Variants in PLA2G4A observed in about 807,000 individuals in gnomAD.
PLA2G4A encodes cytosolic phospholipase A2.
Under a neutral mutation model 81.9 loss-of-function variants are expected in PLA2G4A, and 40 were observed. That is an observed-to-expected ratio of 0.49 (90% CI 0.38 to 0.64). PLA2G4A has a LOEUF of 0.64. Among genes scored for constraint, PLA2G4A ranks in the 30% least tolerant of loss-of-function variants. The pLI is 0.00. For missense variants in PLA2G4A, 715 were observed against 905.1 expected, an observed-to-expected ratio of 0.79 and a Z score of 2.69; for synonymous variants, 302 against 296.9, an observed-to-expected ratio of 1.02 and a Z score of -0.18.
At chr1:186,879,749 T>G (rs1177419008) in intron 3 of PLA2G4A, among the ~76,000 whole-genome samples, 3 of 151,790 alleles carry the variant, frequency 2.0e-5, no homozygotes, top group Admixed American at 2.0e-4. Flanking sequence ...TATACATACT[T>G]TATGTATTCA....
At chr1:186,953,735 C>A (rs1054175668) in intron 13 of PLA2G4A, among the ~76,000 whole-genome samples, 1 of 152,036 alleles carries the variant, frequency 6.6e-6, no homozygotes, top group Non-Finnish European at 1.5e-5. Flanking sequence ...GATTAATAAG[C>A]AATAAGTATC....
chr1:186,920,776 T>C (rs1655322702), intron 7 of PLA2G4A, among the ~76,000 whole-genome samples: 1 of 152,218 alleles, frequency 6.6e-6, no homozygotes, highest in African/African-American at 2.4e-5. Context: ...TAAGTCGGCG[T>C]TTCGCCTAGC....
rs558546216 is a variant in PLA2G4A, at chr1:186,966,015, A to T, written c.1764+422A>T. On this transcript the variant is annotated intron_variant, in intron 15 of 17. Transcript: ENST00000367466. ...GTGTGTAGTATTATGAAAACTGAAG[A>T]TATATTAACAAGGGGGTTTTTTGGT... Among the ~76,000 whole-genome samples the T allele has an allele frequency of 7.2e-5, 11 of 151,978 alleles. No individual in the cohort carries two copies. The East Asian group carries it at 2.1e-3, about 30-fold the overall frequency.
chr1:186,899,174 C>T (rs1654451070), intron 5 of PLA2G4A, among the ~76,000 whole-genome samples: 1 of 152,026 alleles, frequency 6.6e-6, no homozygotes, highest in Non-Finnish European at 1.5e-5. Flanking sequence ...AAAGGCAGTT[C>T]CAAAAATTTA....
chr1:186,878,813 A>G (rs1393176651), intron 3 of PLA2G4A, among the ~76,000 whole-genome samples: 3 of 151,888 alleles, frequency 2.0e-5, no homozygotes, highest in Non-Finnish European at 4.4e-5. Flanking sequence ...AATAATGTCA[A>G]TTGATCAAAA....
At chr1:186,900,293 C>G (rs1164761278) in intron 5 of PLA2G4A, among the ~76,000 whole-genome samples, 1 of 152,116 alleles carries the variant, frequency 6.6e-6, no homozygotes, top group Non-Finnish European at 1.5e-5. Context: ...TAGTACCTAC[C>G]TCTTAGGTTG....
At chr1:186,830,936 A>AGCTT (rs148614012) in intron 1 of PLA2G4A, among the ~76,000 whole-genome samples, 2,147 of 126,886 alleles carry the variant, frequency 0.017, 34 homozygotes, top group Middle Eastern at 0.028. Flanking sequence ...CAGATTGTAT[A>AGCTT]GCTTGCTTGC....
chr1:186,938,805 C>G (rs1323507994), intron 8 of PLA2G4A, among the ~76,000 whole-genome samples: 1 of 152,154 alleles, frequency 6.6e-6, no homozygotes, highest in Non-Finnish European at 1.5e-5. Flanking sequence ...CCTCTGACAC[C>G]TCTTTTTTTC....
intron 10 of PLA2G4A, 43 bp downstream of exon 10, chr1:186,940,137 A>G (rs1481695483): frequency 1.9e-6 from 2 of 1,051,380 alleles, no homozygotes; most frequent in South Asian, 2.5e-5. Flanking sequence ...GAACCTCTGA[A>G]TTGCAGTTTC....
At chr1:186,984,512 C>A (rs1657830860) in intron 17 of PLA2G4A, among the ~76,000 whole-genome samples, 1 of 152,100 alleles carries the variant, frequency 6.6e-6, no homozygotes, top group Non-Finnish European at 1.5e-5. Context: ...CTACAAAGTG[C>A]TAAACATTAA....
chr1:186,890,322 G>C (rs1407558789), intron 3 of PLA2G4A, among the ~76,000 whole-genome samples: 1 of 152,130 alleles, frequency 6.6e-6, no homozygotes, highest in Non-Finnish European at 1.5e-5. Flanking sequence ...AAGACAGATA[G>C]ATGTATAATT....
At chr1:186,957,667 G>C (rs1023558184) in intron 14 of PLA2G4A, among the ~76,000 whole-genome samples, 2 of 152,200 alleles carry the variant, frequency 1.3e-5, no homozygotes, top group African/African-American at 4.8e-5. Flanking sequence ...TTCTCAGAAA[G>C]GTTAGGTAAC....
At position 186,907,010 on chromosome 1, in the gene PLA2G4A, C is replaced by A; in HGVS notation, c.416+8C>A. The A allele has an allele frequency of 7.0e-7, 1 of 1,438,092 alleles. No individual in the cohort carries two copies. Among genetic ancestry groups the A allele is most frequent in the Non-Finnish European group, 9.8e-7 (1 of 1,021,274 alleles). 89.1% of individuals were successfully genotyped at this position (1,438,092 alleles called of 1,614,324 possible). A position where few individuals can be genotyped will look rare whatever the true frequency, so the allele number is the denominator to read the frequency against. The stretch of plus-strand genomic sequence containing the variant: ...AATGTCTCTTGAAGTTTGGTAAGTG[C>A]ATTTATTTAGTTGGATGAGAAATAT... On this transcript the variant is annotated splice_region_variant and intron_variant, in intron 6 of 17. Coordinates refer to ENST00000367466, the MANE Select transcript of PLA2G4A (RefSeq NM_024420.3).
At chr1:186,926,348 A>G (rs1655546470) in intron 7 of PLA2G4A, among the ~76,000 whole-genome samples, 1 of 152,148 alleles carries the variant, frequency 6.6e-6, no homozygotes, top group African/African-American at 2.4e-5. Flanking sequence ...TATTAAATTC[A>G]TGTGTTTGGA....
rs1657971410 is a variant in PLA2G4A, at chr1:186,988,611, G to C, written c.*103G>C. The C allele has an allele frequency of 2.0e-6, 2 of 990,506 alleles. No homozygotes were observed. The highest frequency in any genetic ancestry group is 3.2e-5 in the African/African-American group (2 of 62,606). 61.4% of individuals were successfully genotyped at this position (990,506 alleles called of 1,614,324 possible). ...GTACAGATAGTCGTACTGATCATGA[G>C]AGACTGGCTGATACTCAAAGTTGCA... On this transcript the variant is annotated 3_prime_UTR_variant, in exon 18 of 18. Transcript: ENST00000367466.
chr1:186,911,854 C>G (rs1654955762), intron 7 of PLA2G4A, among the ~76,000 whole-genome samples: 1 of 152,130 alleles, frequency 6.6e-6, no homozygotes, highest in African/African-American at 2.4e-5. Context: ...ACCAGGAAAG[C>G]CCGTGGTGCA....
At chr1:186,925,459 T>C (rs1423142595) in intron 7 of PLA2G4A, among the ~76,000 whole-genome samples, 1 of 152,208 alleles carries the variant, frequency 6.6e-6, no homozygotes, top group African/African-American at 2.4e-5. Flanking sequence ...GCTTCATTTT[T>C]GCCAGTTTAT....
At chr1:186,845,695 A>G (rs1265420653) in intron 1 of PLA2G4A, among the ~76,000 whole-genome samples, 2 of 152,190 alleles carry the variant, frequency 1.3e-5, no homozygotes, top group Non-Finnish European at 2.9e-5. Context: ...GTACACAGAG[A>G]GAGAAGTGAC....
intron 3 of PLA2G4A, among the ~76,000 whole-genome samples, chr1:186,875,609 A>G (rs771386225): frequency 1.3e-5 from 2 of 152,032 alleles, no homozygotes; most frequent in Non-Finnish European, 1.5e-5. Context: ...ACATATAAAG[A>G]TACCTTCCAC....
Sources: gnomAD v4.1 joint callset for allele counts (sites outside exome capture counted in the v4.1 genomes callset) on GRCh38, gnomAD v4.1.1 for gene constraint, MANE v1.5 for transcripts, NCBI Gene and HGNC (gene_info 2026-07-23, HGNC 2026-07-21) for gene names.